SLAMF8: variants seen among roughly 807,000 people sequenced by gnomAD.
SLAMF8 encodes the protein SLAM family member 8.
A neutral mutation model predicts 29.0 loss-of-function variants in SLAMF8; 23 were observed. The ratio of observed to expected loss-of-function variants is 0.79; its 90% CI spans 0.57 to 1.13. The LOEUF is 1.13. Among genes scored for constraint, SLAMF8 ranks in the 50% most tolerant of loss-of-function variants. SLAMF8 has a pLI of 0.00. For synonymous variants in SLAMF8, 139 were observed against 145.6 expected, an observed-to-expected ratio of 0.96 and a Z score of 0.32; for missense variants, 381 against 353.1, an observed-to-expected ratio of 1.08 and a Z score of -0.63.
At chr1:159,831,973 G>T (rs557923638) in intron 2 of SLAMF8, among the ~76,000 whole-genome samples, 5 of 152,090 alleles carry the variant, frequency 3.3e-5, no homozygotes, top group Admixed American at 3.3e-4. Flanking sequence ...TGGCATTAAC[G>T]AGGTTTTTCT....
In SLAMF8 at chr1:159,833,450, T is replaced by G. The variant is rs1571142049; in HGVS notation, c.781+81T>G. 3 of 1,597,116 alleles carry G rather than the reference T, an allele frequency of 1.9e-6. No homozygotes were observed. In the East Asian group the frequency reaches 6.7e-5, roughly 36 times the overall value. ...AGGGGGTCTTGGACCTCCTCCTATT[T>G]AGGCTTCAGATGGTCTGCCCCTTCC... On this transcript the variant is annotated intron_variant, in intron 4 of 4. Coordinates refer to ENST00000289707, the MANE Select transcript of SLAMF8 (RefSeq NM_020125.3).
intron 1 of SLAMF8, 132 bp downstream of exon 1, chr1:159,827,070 T>C: frequency 9.4e-7 from 1 of 1,061,138 alleles, no homozygotes; most frequent in Non-Finnish European, 1.4e-6. Flanking sequence ...TAGGAAAGAC[T>C]AGAACAAGCT....
Position 159,835,363 on chromosome 1 carries a change from T to C in SLAMF8, c.*103T>C, listed in dbSNP as rs1191510847. Reference sequence around the variant, plus strand: ...CCTGGAAATCACCATGGTCCTCATATCTCCCATGGGAATCCTGTCCTGCCT... The same window carrying C: ...CCTGGAAATCACCATGGTCCTCATACCTCCCATGGGAATCCTGTCCTGCCT... On this transcript the variant is annotated 3_prime_UTR_variant, in exon 5 of 5. Transcript: ENST00000289707. 4 of 1,476,106 alleles carry C rather than the reference T, an allele frequency of 2.7e-6. No individual in the cohort carries two copies. The East Asian group carries it at 1.0e-4, about 38-fold the overall frequency. The allele number at this position is 1,476,106 out of a possible 1,614,324, so 91.4% of individuals were successfully genotyped here. A position where few individuals can be genotyped will look rare whatever the true frequency, so the allele number is the denominator to read the frequency against.
rs1241806724 is a variant in SLAMF8 at position 159,835,357 on chromosome 1, C to T, written c.*97C>T. 1.4e-5 allele frequency: 21 copies of T among 1,490,796 alleles called. No homozygotes were observed. Among genetic ancestry groups the T allele is most frequent in the Non-Finnish European group, 1.7e-5 (19 of 1,123,008 alleles). The allele number at this position is 1,490,796 out of a possible 1,614,324, so 92.3% of individuals were successfully genotyped here. A position where few individuals can be genotyped will look rare whatever the true frequency, so the allele number is the denominator to read the frequency against. ...CTGGTGCCTGGAAATCACCATGGTC[C>T]TCATATCTCCCATGGGAATCCTGTC... is the stretch of plus-strand genomic sequence containing the variant. On this transcript the variant is annotated 3_prime_UTR_variant, in exon 5 of 5. Coordinates refer to ENST00000289707, the MANE Select transcript of SLAMF8 (RefSeq NM_020125.3).
At position 159,836,476 on chromosome 1, in the gene SLAMF8, C is replaced by T. The variant is rs1216270407; in HGVS notation, c.*1216C>T. 1 of 985,454 alleles carries T rather than the reference C, an allele frequency of 1.0e-6. No homozygotes were observed. Among genetic ancestry groups the T allele is most frequent in the Non-Finnish European group, 1.2e-6 (1 of 829,940 alleles). 61.0% of individuals were successfully genotyped at this position (985,454 alleles called of 1,614,324 possible). ...TAAACTTACCTTCGGGGATTATTAG[C>T]TGATAAGGTTCACAGTTTCTCTCAC... is the stretch of plus-strand genomic sequence containing the variant. On this transcript the variant is annotated 3_prime_UTR_variant, in exon 5 of 5. Transcript: ENST00000289707.
chr1:159,830,091 A>G lies in SLAMF8; in HGVS notation c.266A>G (p.Glu89Gly). The change falls in exon 2 of 5, where the codon GAG (glutamate) becomes GGG (glycine). Residue 89 changes from glutamate to glycine, a missense_variant. Physicochemically the swap from Glu to Gly is moderately conservative, Grantham distance 98. Coordinates refer to ENST00000289707, the MANE Select transcript of SLAMF8 (RefSeq NM_020125.3). ...CAGCTACACAGCAACCTCAGCCTGG[A>G]GCTCGGGCCGCTGGAGTCTGGAGAC... ...RAQLHSNLSLELGPLESGDSG... is the reference protein window; with the variant it reads ...RAQLHSNLSLGLGPLESGDSG... 1 of 1,614,150 alleles carries G rather than the reference A, an allele frequency of 6.2e-7. No homozygotes were observed. Among genetic ancestry groups the G allele is most frequent in the Non-Finnish European group, 8.5e-7 (1 of 1,180,026 alleles).
rs772123180 is a variant in SLAMF8, at chr1:159,835,247, A to G, written c.845A>G (p.Gln282Arg). ...CCAGAGACAGAGAACCCCCTTGTGC[A>G]GGATCTGCCATAAAGGACAATATGA... ...VGPETENPLV[Q>R]DLP Residue 282 changes from glutamine (Q) to arginine (R), a missense_variant, in exon 5 of 5, where the codon CAG (glutamine) becomes CGG (arginine). Coordinates refer to ENST00000289707, the MANE Select transcript of SLAMF8 (RefSeq NM_020125.3). 1 of 1,613,964 alleles carries G rather than the reference A, an allele frequency of 6.2e-7. No homozygotes were observed. The highest frequency in any genetic ancestry group is 8.5e-7 in the Non-Finnish European group (1 of 1,179,974).
Position 159,835,608 on chromosome 1 carries a change from A to G in SLAMF8, c.*348A>G, listed in dbSNP as rs1647869125. ...ATTCCCTCCCCCACCACTATTCATAAAGTATTAACCAACTGGCACCAAGGA... is the reference window on the plus strand; with the variant it reads ...ATTCCCTCCCCCACCACTATTCATAGAGTATTAACCAACTGGCACCAAGGA... On this transcript the variant is annotated 3_prime_UTR_variant, in exon 5 of 5. Transcript: ENST00000289707. 5 of 1,042,868 alleles carry G rather than the reference A, an allele frequency of 4.8e-6. No homozygotes were observed. The South Asian group carries it at 2.0e-4, about 43-fold the overall frequency. 64.6% of individuals were successfully genotyped at this position (1,042,868 alleles called of 1,614,324 possible). A position where few individuals can be genotyped will look rare whatever the true frequency, so the allele number is the denominator to read the frequency against.
chr1:159,834,527 C>T (rs1487545711), intron 4 of SLAMF8: 3 of 152,230 alleles, frequency 2.0e-5, no homozygotes, highest in Non-Finnish European at 2.9e-5. Context: ...GCATACAATT[C>T]ACCTATTTAA....
chr1:159,831,234 G>A (rs1361306087), intron 2 of SLAMF8, among the ~76,000 whole-genome samples: 1 of 152,154 alleles, frequency 6.6e-6, no homozygotes, highest in Non-Finnish European at 1.5e-5. Flanking sequence ...ATTTAAGAAT[G>A]GAAAGCAGAG....
Position 159,835,217 on chromosome 1 carries a change from T to G in SLAMF8, c.815T>G (p.Val272Gly). 6.2e-7 allele frequency: 1 copy of G among 1,614,006 alleles called. No individual in the cohort carries two copies. The highest frequency in any genetic ancestry group is 8.5e-7 in the Non-Finnish European group (1 of 1,179,964). ...AAAAAGGATGTCCATGCTGACAGAG[T>G]GGGTCCAGAGACAGAGAACCCCCTT... ...KKKKDVHADR[V>G]GPETENPLVQ... Residue 272 changes from valine to glycine, a missense_variant, in exon 5 of 5, where the codon GTG becomes GGG. Val to Gly is a moderately radical substitution (Grantham distance 109). Coordinates refer to ENST00000289707, the MANE Select transcript of SLAMF8 (RefSeq NM_020125.3).
chr1:159,829,248 C>T (rs913076080), intron 1 of SLAMF8, among the ~76,000 whole-genome samples: 2 of 152,200 alleles, frequency 1.3e-5, no homozygotes, highest in Admixed American at 1.3e-4. Context: ...TCCTGTTACG[C>T]TCCTGCTTAA....
At chr1:159,831,296 T>C (rs181343050) in intron 2 of SLAMF8, among the ~76,000 whole-genome samples, 61 of 152,104 alleles carry the variant, frequency 4.0e-4, no homozygotes, top group African/African-American at 1.4e-3. Flanking sequence ...TGTAAGCAAA[T>C]TGGGGAGATG....
Position 159,830,271 on chromosome 1 carries a change from G to C in SLAMF8, c.367+79G>C. On this transcript the variant is annotated intron_variant, in intron 2 of 4. Transcript: ENST00000289707. ...CGAGCATCCTGAGTCATAGCAGCCA[G>C]GGAGAGCTGGGTTCCAGAAAGCTCT... 3 of 1,415,334 alleles carry C rather than the reference G, an allele frequency of 2.1e-6. No homozygotes were observed. The South Asian group carries it at 4.5e-5, about 21-fold the overall frequency. 87.7% of individuals were successfully genotyped at this position (1,415,334 alleles called of 1,614,324 possible).
Position 159,833,359 on chromosome 1 carries a change from C to T in SLAMF8, c.771C>T (p.Cys257=), listed in dbSNP as rs755761465. 4 of 1,613,978 alleles carry T rather than the reference C, an allele frequency of 2.5e-6. No individual in the cohort carries two copies. Among genetic ancestry groups the T allele is most frequent in the East Asian group, 2.2e-5 (1 of 44,876 alleles). ...CTCTCTTCTCTGCCTGGCACTGGTGCCCCTGCTCAGGTAGGAGTCCTGCAG... is the reference window on the plus strand; with the variant it reads ...CTCTCTTCTCTGCCTGGCACTGGTGTCCCTGCTCAGGTAGGAGTCCTGCAG... The part of the protein sequence containing the change: ...LVTLFSAWHW[C]PCSGKKKKDV... The change falls in exon 4 of 5, where the codon TGC becomes TGT. Residue 257 remains cysteine, a synonymous_variant. Transcript: ENST00000289707.
At position 159,829,938 on chromosome 1, in the gene SLAMF8, C is replaced by T. The variant is rs149507316; in HGVS notation, c.113C>T (p.Ala38Val). 523 of 1,614,106 alleles carry T rather than the reference C, an allele frequency of 3.2e-4. 1 individual carries two copies. Among genetic ancestry groups the T allele is most frequent in the South Asian group, 5.9e-4 (54 of 91,090 alleles). Reference sequence around the variant, plus strand: ...GGGGGCTCGGTGCTGCTGGTGGCAGCGCGTCCCCCTGGCTTCCAAGTCCGT... The same window carrying T: ...GGGGGCTCGGTGCTGCTGGTGGCAGTGCGTCCCCCTGGCTTCCAAGTCCGT... Reference protein sequence around the residue: ...KVGGSVLLVAARPPGFQVREA... With the variant: ...KVGGSVLLVAVRPPGFQVREA... The change falls in exon 2 of 5, where the codon GCG (alanine) becomes GTG (valine). Residue 38 changes from alanine (A) to valine (V), a missense_variant. Ala to Val is a moderately conservative substitution (Grantham distance 64). Coordinates refer to ENST00000289707, the MANE Select transcript of SLAMF8 (RefSeq NM_020125.3).
intron 2 of SLAMF8, among the ~76,000 whole-genome samples, chr1:159,832,349 T>C (rs543861023): frequency 1.5e-4 from 23 of 152,366 alleles, no homozygotes; most frequent in East Asian, 1.3e-3. Context: ...TTTTCTTGCC[T>C]GACTTAATAA....
intron 2 of SLAMF8, among the ~76,000 whole-genome samples, chr1:159,832,209 A>C (rs1215221224): frequency 1.3e-5 from 2 of 152,218 alleles, no homozygotes; most frequent in African/African-American, 4.8e-5. Flanking sequence ...AACAAGACAG[A>C]GCCCCCACCT....
chr1:159,829,411 C>G (rs1377790951), intron 1 of SLAMF8, among the ~76,000 whole-genome samples: 3 of 152,200 alleles, frequency 2.0e-5, no homozygotes, highest in Non-Finnish European at 4.4e-5. Flanking sequence ...GGCACCAACT[C>G]TCCCCCTCCA....
Sources: gnomAD v4.1 joint callset for allele counts (sites outside exome capture counted in the v4.1 genomes callset) on GRCh38, gnomAD v4.1.1 for gene constraint, MANE v1.5 for transcripts, NCBI Gene and HGNC (gene_info 2026-07-23, HGNC 2026-07-21) for gene names.